RAB11A: variants seen among roughly 807,000 people sequenced by gnomAD.
RAB11A encodes the protein RAB11A, member RAS oncogene family.
A neutral mutation model predicts 28.0 loss-of-function variants in RAB11A; 9 were observed. The observed-to-expected ratio is 0.32, with a 90% CI of 0.19 to 0.56. The LOEUF (loss-of-function observed/expected upper bound fraction) is 0.56, where lower values mean the gene tolerates loss of function less well. Ranked by LOEUF, RAB11A falls within the 20% of genes least tolerant of loss-of-function variation. RAB11A has a pLI of 0.91. For synonymous variants in RAB11A, 85 were observed against 88.2 expected (o/e 0.96, Z 0.20); for missense variants, 108 against 269.6 (o/e 0.40, Z 4.20).
intron 1 of RAB11A, among the ~76,000 whole-genome samples, chr15:65,871,424 A>C (rs2078160242): frequency 6.6e-6 from 1 of 152,162 alleles, no homozygotes; most frequent in Admixed American, 6.5e-5. Context: ...AAACTATTTG[A>C]ATCTCTTGAG....
chr15:65,869,631 G>A lies in RAB11A; in HGVS notation c.40+6G>A. ...GTACGACTACCTCTTTAAAGGTGAG[G>A]CCATGGGCTCTCGCACTCTACACAG... is the stretch of plus-strand genomic sequence containing the variant. On this transcript the variant is annotated splice_donor_region_variant and intron_variant, in intron 1 of 4. Coordinates refer to ENST00000261890, the MANE Select transcript of RAB11A (RefSeq NM_004663.5). 1 of 1,611,290 alleles carries A rather than the reference G, an allele frequency of 6.2e-7. No individual in the cohort carries two copies. The highest frequency in any genetic ancestry group is 8.5e-7 in the Non-Finnish European group (1 of 1,179,600).
chr15:65,874,886 A>G (rs1268832879), intron 1 of RAB11A, among the ~76,000 whole-genome samples: 1 of 151,996 alleles, frequency 6.6e-6, no homozygotes, highest in Non-Finnish European at 1.5e-5. Flanking sequence ...ATCTCTACAG[A>G]AAATACAAAA....
intron 4 of RAB11A, among the ~76,000 whole-genome samples, chr15:65,884,887 C>G (rs1018326998): frequency 1.1e-4 from 17 of 151,088 alleles, no homozygotes; most frequent in African/African-American, 4.1e-4. Context: ...TAAACTAGAT[C>G]TATTTCCTTC....
In RAB11A at chr15:65,877,874, A is replaced by G. The variant is rs1190052210; in HGVS notation, c.349A>G (p.Ile117Val). The change falls in exon 3 of 5, where the codon ATT (isoleucine) becomes GTT (valine). Residue 117 changes from isoleucine (I) to valine (V), a missense_variant. Physicochemically the swap from Ile to Val is conservative, Grantham distance 29. Transcript: ENST00000261890. The surrounding 1 kb of genome is among the most constrained non-coding windows in gnomAD (Gnocchi z 4.1). ...ACTGAGAGATCATGCTGATAGTAAC[A>G]TTGTTATCATGCTTGTGGGCAATAA... ...KELRDHADSN[I>V]VIMLVGNKSD... is the part of the protein sequence containing the mutation. 6.2e-7 allele frequency: 1 copy of G among 1,613,484 alleles called. No homozygotes were observed. The highest frequency in any genetic ancestry group is 8.5e-7 in the Non-Finnish European group (1 of 1,179,496).
chr15:65,874,612 G>A (rs940426467), intron 1 of RAB11A, among the ~76,000 whole-genome samples: 1 of 151,626 alleles, frequency 6.6e-6, no homozygotes, highest in African/African-American at 2.4e-5. Flanking sequence ...TTTTTTTGTA[G>A]TGTTAACATT....
Position 65,888,044 on chromosome 15 carries a change from C to T in RAB11A, c.*204C>T, listed in dbSNP as rs2141110418. 3 of 465,698 alleles carry T rather than the reference C, an allele frequency of 6.4e-6. No homozygotes were observed. Among genetic ancestry groups the T allele is most frequent in the South Asian group, 9.7e-5 (2 of 20,604 alleles). 28.8% of individuals were successfully genotyped at this position (465,698 alleles called of 1,614,324 possible). On this transcript the variant is annotated 3_prime_UTR_variant, in exon 5 of 5. Coordinates refer to ENST00000261890, the MANE Select transcript of RAB11A (RefSeq NM_004663.5). ...GCAGCTTTTTTTCATGCTATGGCTT[C>T]ACTAGCCTTAGTTTAATAAACTGAA...
chr15:65,885,707 C>G (rs2078252162), intron 4 of RAB11A, among the ~76,000 whole-genome samples: 1 of 152,214 alleles, frequency 6.6e-6, no homozygotes, highest in Non-Finnish European at 1.5e-5. Context: ...TGTAGGAGAT[C>G]TAAATAGAAA....
intron 1 of RAB11A, among the ~76,000 whole-genome samples, chr15:65,871,969 TC>T (rs1243917584): frequency 7.3e-6 from 1 of 136,566 alleles, no homozygotes. Context: ...TCTCGCTCTG[TC>T]CCCCAGGCTG....
Position 65,869,508 on chromosome 15 carries a change from C to T in RAB11A, c.-78C>T. 1.9e-6 allele frequency: 3 copies of T among 1,552,130 alleles called. No individual in the cohort carries two copies. The highest frequency in any genetic ancestry group is 1.4e-5 in the African/African-American group (1 of 73,638). ...AGTCCGGCAGTTGAAGCTCGGCGCTCGGGTTACCCCTGCAGCGACGCCCCC... is the reference window on the plus strand; with the variant it reads ...AGTCCGGCAGTTGAAGCTCGGCGCTTGGGTTACCCCTGCAGCGACGCCCCC... On this transcript the variant is annotated 5_prime_UTR_variant, in exon 1 of 5. Transcript: ENST00000261890.
chr15:65,879,042 G>A (rs934886294), intron 3 of RAB11A, among the ~76,000 whole-genome samples: 1 of 145,422 alleles, frequency 6.9e-6, no homozygotes, highest in Non-Finnish European at 1.5e-5. Flanking sequence ...GACCCATTCT[G>A]GAGTGGAGTG....
At chr15:65,884,430 A>C (rs2078242041) in intron 4 of RAB11A, among the ~76,000 whole-genome samples, 1 of 152,202 alleles carries the variant, frequency 6.6e-6, no homozygotes, top group Non-Finnish European at 1.5e-5. Flanking sequence ...TTTGAAGATT[A>C]AATTAGGGGA....
intron 4 of RAB11A, 25 bp downstream of exon 4, chr15:65,879,776 A>G (rs1401258601): frequency 2.7e-5 from 40 of 1,484,040 alleles, no homozygotes; most frequent in Non-Finnish European, 3.6e-5. Flanking sequence ...TTCAGATTAC[A>G]CCAGTAGGAC....
intron 4 of RAB11A, among the ~76,000 whole-genome samples, chr15:65,884,789 GA>G (rs2078244746): frequency 6.7e-6 from 1 of 150,134 alleles, no homozygotes; most frequent in Non-Finnish European, 1.5e-5. Context: ...CCAAAAACCT[GA>G]TAAGAAAGTA....
At chr15:65,870,396 A>G (rs1242157823) in intron 1 of RAB11A, among the ~76,000 whole-genome samples, 1 of 152,206 alleles carries the variant, frequency 6.6e-6, no homozygotes, top group Non-Finnish European at 1.5e-5. Flanking sequence ...GGGATCGCCC[A>G]TCACCCACTC....
intron 4 of RAB11A, among the ~76,000 whole-genome samples, chr15:65,885,696 T>A (rs2078252055): frequency 6.6e-6 from 1 of 152,204 alleles, no homozygotes; most frequent in East Asian, 1.9e-4. Context: ...TAGATTTCTC[T>A]TGTAGGAGAT....
chr15:65,875,260 C>T (rs1413421322), intron 1 of RAB11A, among the ~76,000 whole-genome samples: 1 of 151,782 alleles, frequency 6.6e-6, no homozygotes, highest in African/African-American at 2.4e-5. Context: ...TGTATTTATT[C>T]ATGTATTTTT....
chr15:65,869,766 C>A, intron 1 of RAB11A, 141 bp downstream of exon 1: 1 of 889,338 alleles, frequency 1.1e-6, no homozygotes, highest in Non-Finnish European at 1.6e-6. Flanking sequence ...GTCTCCTACC[C>A]AGCTCAGCCT....
intron 1 of RAB11A, among the ~76,000 whole-genome samples, chr15:65,870,450 C>T (rs1452334649): frequency 1.3e-5 from 2 of 152,226 alleles, no homozygotes; most frequent in East Asian, 1.9e-4. Flanking sequence ...TTACTTCCCA[C>T]CTAGCCTTTT....
intron 4 of RAB11A, among the ~76,000 whole-genome samples, chr15:65,883,443 G>T (rs2078234931): frequency 1.3e-5 from 2 of 152,182 alleles, no homozygotes. Flanking sequence ...CCACAGAAGT[G>T]TTCTCAGTGC....
Sources: gnomAD v4.1 joint callset for allele counts (sites outside exome capture counted in the v4.1 genomes callset) on GRCh38, gnomAD v4.1.1 for gene constraint, Gnocchi (gnomAD v3.1) non-coding constraint, MANE v1.5 for transcripts, NCBI Gene and HGNC (gene_info 2026-07-23, HGNC 2026-07-21) for gene names.